The following RHOU variants were observed in gnomAD, a reference collection of about 807,000 sequenced individuals.
RHOU encodes ras homolog family member U.
A neutral mutation model predicts 12.6 loss-of-function variants in RHOU; 8 were observed. The ratio of observed to expected loss-of-function variants is 0.64; its 90% confidence interval spans 0.37 to 1.15. RHOU has a LOEUF of 1.15. RHOU is among the 50% of genes most tolerant of loss of function. The pLI, the probability that RHOU is intolerant of heterozygous loss-of-function variation, is 0.01. For missense variants in RHOU, 258 were observed against 347.0 expected, an observed-to-expected ratio of 0.74 and a Z score of 2.04; for synonymous variants, 161 against 147.4, an observed-to-expected ratio of 1.09 and a Z score of -0.67.
At chr1:228,712,260 C>T in the RHOU span, among the ~76,000 whole-genome samples, 3 of 150,036 alleles carry the variant, frequency 2.0e-5, no homozygotes, top group Non-Finnish European at 4.4e-5. Context: ...GGCGATTCCT[C>T]AGGGATCTAG....
At chr1:228,674,272 T>C in the RHOU span, among the ~76,000 whole-genome samples, 18 of 152,156 alleles carry the variant, frequency 1.2e-4, no homozygotes, top group African/African-American at 4.3e-4. Flanking sequence ...CATTTAGTTC[T>C]CTTAATGCAA....
the RHOU span, among the ~76,000 whole-genome samples, chr1:228,690,281 A>G: frequency 6.6e-6 from 1 of 152,104 alleles, no homozygotes; most frequent in African/African-American, 2.4e-5. Context: ...AAGAGGGCCA[A>G]GTGGGCAACT....
At chr1:228,661,540 C>G in the RHOU span, among the ~76,000 whole-genome samples, 3 of 152,202 alleles carry the variant, frequency 2.0e-5, no homozygotes, top group African/African-American at 7.2e-5. Flanking sequence ...CTACAACCAT[C>G]TGATCTTTGA....
the RHOU span, among the ~76,000 whole-genome samples, chr1:228,656,313 C>T: frequency 1.3e-5 from 2 of 152,198 alleles, no homozygotes; most frequent in Non-Finnish European, 2.9e-5. Flanking sequence ...GCCACCACAC[C>T]TGGCTAATTT....
chr1:228,716,903 A>G, the RHOU span, among the ~76,000 whole-genome samples: 2 of 152,184 alleles, frequency 1.3e-5, no homozygotes, highest in Non-Finnish European at 2.9e-5. Context: ...AATAGAGAGC[A>G]CTTCATTTCC....
chr1:228,734,276 CA>C, upstream of RHOU, among the ~76,000 whole-genome samples: 1 of 151,916 alleles, frequency 6.6e-6, no homozygotes, highest in Admixed American at 6.6e-5. Flanking sequence ...CTTTGCAAGT[CA>C]GGGGTCCTGG....
chr1:228,743,771 C>A lies in RHOU; in HGVS notation c.*31C>A. On this transcript the variant is annotated 3_prime_UTR_variant, in exon 3 of 3. Coordinates refer to ENST00000366691, the MANE Select transcript of RHOU (RefSeq NM_021205.6). This position sits in a 1 kb window ranked among gnomAD's most constrained non-coding sequence, Gnocchi z 5.1. ...GCAAGACACCCAGAAAGGCTATTTT[C>A]AGATGAAATCGATATTAGAAGCTAT... The A allele has an allele frequency of 6.4e-7, 1 of 1,569,618 alleles. No individual in the cohort carries two copies. The highest frequency in any genetic ancestry group is 1.2e-5 in the South Asian group (1 of 85,750).
the RHOU span, among the ~76,000 whole-genome samples, chr1:228,721,222 A>G: frequency 6.6e-6 from 1 of 152,278 alleles, no homozygotes; most frequent in Non-Finnish European, 1.5e-5. Flanking sequence ...GAATCACTTG[A>G]ACCTGGGAGG....
chr1:228,687,648 A>G, the RHOU span: 3 of 1,553,760 alleles, frequency 1.9e-6, no homozygotes, highest in Non-Finnish European at 2.6e-6. Context: ...GGCCACTGAC[A>G]AAAATGACCC....
the RHOU span, among the ~76,000 whole-genome samples, chr1:228,711,032 A>T: frequency 6.6e-6 from 1 of 152,156 alleles, no homozygotes; most frequent in African/African-American, 2.4e-5. Context: ...ACAGAGAGCC[A>T]AATCATGAGT....
the RHOU span, among the ~76,000 whole-genome samples, chr1:228,663,063 G>A: frequency 0.59 from 89,500 of 152,028 alleles, 28,098 homozygotes; most frequent in African/African-American, 0.82. Flanking sequence ...TAACTTTTGT[G>A]AACAATTGAG....
chr1:228,648,448 G>T, the RHOU span, among the ~76,000 whole-genome samples: 1 of 152,168 alleles, frequency 6.6e-6, no homozygotes, highest in Non-Finnish European at 1.5e-5. Context: ...AGGTGTCAAC[G>T]CCCAGGGCCC....
In RHOU at chr1:228,737,808, C is replaced by A; in HGVS notation, c.321+77C>A. On this transcript the variant is annotated intron_variant, in intron 2 of 2. Transcript: ENST00000366691. The surrounding 1 kb of genome is among the most constrained non-coding windows in gnomAD (Gnocchi z 4.1). Reference sequence around the variant, plus strand: ...ATTTCCAAATAACCTTTGATTCCCTCAGTCAGTAACTGGGTCATTCTAAAG... The same window carrying A: ...ATTTCCAAATAACCTTTGATTCCCTAAGTCAGTAACTGGGTCATTCTAAAG... 6.9e-7 allele frequency: 1 copy of A among 1,450,752 alleles called. No individual in the cohort carries two copies. The highest frequency in any genetic ancestry group is 9.7e-7 in the Non-Finnish European group (1 of 1,034,750). 89.9% of individuals were successfully genotyped at this position (1,450,752 alleles called of 1,614,324 possible).
the RHOU span, among the ~76,000 whole-genome samples, chr1:228,659,856 C>T: frequency 3.4e-5 from 5 of 148,814 alleles, no homozygotes; most frequent in Admixed American, 6.8e-5. Context: ...TGGTGGCAGG[C>T]GCCTGTAATC....
At chr1:228,723,699 AT>A in the RHOU span, among the ~76,000 whole-genome samples, 1 of 152,264 alleles carries the variant, frequency 6.6e-6, no homozygotes, top group Admixed American at 6.5e-5. Flanking sequence ...CGTAAAAGAA[AT>A]GAAAACTTTT....
chr1:228,680,539 C>T, the RHOU span, among the ~76,000 whole-genome samples: 3 of 152,170 alleles, frequency 2.0e-5, no homozygotes, highest in African/African-American at 4.8e-5. Context: ...AAATGCGTTG[C>T]TGTCTGGCCA....
chr1:228,650,325 C>T, the RHOU span: 2 of 465,144 alleles, frequency 4.3e-6, no homozygotes, highest in East Asian at 6.6e-5. Context: ...TGCTTGGCTG[C>T]CGGCCCTACC....
chr1:228,735,667 C>T lies in RHOU; in HGVS notation c.-76C>T, dbSNP rs964278086. On this transcript the variant is annotated 5_prime_UTR_variant, in exon 1 of 3. Transcript: ENST00000366691. The surrounding 1 kb of genome is among the most constrained non-coding windows in gnomAD (Gnocchi z 8.1). ...GCTGTCGGTGACAGCTCCTCCCTAC[C>T]GCAACCCTCCGGGGCGGAGGGGCGG... The T allele has an allele frequency of 2.7e-6, 3 of 1,130,170 alleles. No homozygotes were observed. The highest frequency in any genetic ancestry group is 8.0e-5 in the East Asian group (2 of 24,964). The allele number at this position is 1,130,170 out of a possible 1,614,324, so 70.0% of individuals were successfully genotyped here. A position where few individuals can be genotyped will look rare whatever the true frequency, so the allele number is the denominator to read the frequency against.
At chr1:228,666,875 C>G in the RHOU span, among the ~76,000 whole-genome samples, 1 of 152,232 alleles carries the variant, frequency 6.6e-6, no homozygotes, top group South Asian at 2.1e-4. Flanking sequence ...GATTTCCCCA[C>G]CTAGTTTTGT....
Sources: allele counts gnomAD v4.1 joint callset (sites outside exome capture counted in the v4.1 genomes callset), GRCh38; gene constraint gnomAD v4.1.1; non-coding constraint Gnocchi (gnomAD v3.1); transcripts MANE v1.5; gene names NCBI Gene and HGNC (gene_info 2026-07-23, HGNC 2026-07-21).